Variants in NTRK2 observed in about 807,000 individuals in gnomAD.
NTRK2 encodes BDNF/NT-3 growth factors receptor.
A neutral mutation model predicts 94.5 loss-of-function variants in NTRK2; 13 were observed. The observed-to-expected ratio is 0.14, with a 90% CI of 0.09 to 0.22. NTRK2 has a LOEUF of 0.22. NTRK2 is among the 10% of genes least tolerant of loss of function. The probability of loss-of-function intolerance (pLI) is 1.00; values close to 1 mark genes in which losing one functional copy is unlikely to be tolerated. For missense variants in NTRK2, 639 were observed against 1,071.2 expected (o/e 0.60, Z 5.63); for synonymous variants, 372 against 407.4 (o/e 0.91, Z 1.05).
At chr9:84,955,052 C>A (rs1362728836) in intron 16 of NTRK2, among the ~76,000 whole-genome samples, 1 of 152,178 alleles carries the variant, frequency 6.6e-6, no homozygotes, top group Admixed American at 6.5e-5. Flanking sequence ...CCTGGGAATT[C>A]CAGACTCTTT....
chr9:84,956,248 G>A lies in NTRK2; in HGVS notation c.2172+731G>A, dbSNP rs183236165. 3.3e-5 allele frequency among the ~76,000 whole-genome samples: 5 copies of A among 152,310 alleles called. No homozygotes were observed. In the East Asian group the frequency reaches 9.7e-4, roughly 29 times the overall value. ...GGTTTAGCTTGGTGAGATGGAAGAAGTTTTATCCTGCCTGTTCCTAGACAC... is the reference window on the plus strand; with the variant it reads ...GGTTTAGCTTGGTGAGATGGAAGAAATTTTATCCTGCCTGTTCCTAGACAC... On this transcript the variant is annotated intron_variant, in intron 17 of 18. Transcript: ENST00000277120.
intron 15 of NTRK2, among the ~76,000 whole-genome samples, chr9:84,943,971 C>T (rs2078500746): frequency 6.6e-6 from 1 of 152,028 alleles, no homozygotes; most frequent in South Asian, 2.1e-4. Flanking sequence ...AAAGACCCAA[C>T]ATGCAAAAAT....
At chr9:84,874,540 G>T in intron 14 of NTRK2, 2 of 1,065,142 alleles carry the variant, frequency 1.9e-6, no homozygotes, top group Non-Finnish European at 2.3e-6. Context: ...GTTTTTGTTT[G>T]TTTTTGTTTA....
Position 84,948,539 on chromosome 9 carries a change from G to A in NTRK2, c.1842G>A (p.Glu614=), listed in dbSNP as rs2132883639. The change falls in exon 16 of 19, where the codon GAG becomes GAA. Residue 614 remains glutamate (E), a synonymous_variant. Transcript: ENST00000277120. ...AGCTCCTGACCAACCTCCAGCATGA[G>A]CACATCGTCAAGTTCTATGGCGTCT... The part of the protein sequence containing the change: ...EAELLTNLQH[E]HIVKFYGVCV... The A allele has an allele frequency of 6.2e-7, 1 of 1,614,118 alleles. No homozygotes were observed. The highest frequency in any genetic ancestry group is 8.5e-7 in the Non-Finnish European group (1 of 1,180,022).
chr9:84,790,204 G>T (rs1340939627), intron 12 of NTRK2, among the ~76,000 whole-genome samples: 1 of 152,174 alleles, frequency 6.6e-6, no homozygotes. Flanking sequence ...TTAAAAAAAT[G>T]AAGTGCCTAA....
At chr9:84,725,528 T>C (rs1041855262) in intron 8 of NTRK2, among the ~76,000 whole-genome samples, 9 of 152,066 alleles carry the variant, frequency 5.9e-5, no homozygotes, top group African/African-American at 2.2e-4. Flanking sequence ...AAGGTAAGTG[T>C]GGCCCCTGCC....
intron 18 of NTRK2, among the ~76,000 whole-genome samples, chr9:85,020,821 G>C (rs1275160162): frequency 6.6e-6 from 1 of 152,254 alleles, no homozygotes; most frequent in Non-Finnish European, 1.5e-5. Flanking sequence ...TTGAGGCACA[G>C]CATCTTGATC....
At chr9:84,683,451 T>C (rs1187347) in intron 2 of NTRK2, among the ~76,000 whole-genome samples, 105,356 of 151,982 alleles carry the variant, frequency 0.69, 36,674 homozygotes, top group East Asian at 0.83. Context: ...TTTGGTTTTC[T>C]GTTCCTGTGT....
intron 17 of NTRK2, among the ~76,000 whole-genome samples, chr9:84,982,814 G>A (rs1827808423): frequency 6.6e-6 from 1 of 152,152 alleles, no homozygotes; most frequent in Non-Finnish European, 1.5e-5. Flanking sequence ...TAATTTCAAA[G>A]ATATGATATA....
At chr9:84,787,926 T>C (rs758719715) in intron 12 of NTRK2, among the ~76,000 whole-genome samples, 3 of 152,176 alleles carry the variant, frequency 2.0e-5, no homozygotes, top group Non-Finnish European at 2.9e-5. Context: ...TCTGTGGCCT[T>C]GGTCATGTTA....
chr9:84,815,472 C>T, intron 12 of NTRK2: 1 of 1,040,212 alleles, frequency 9.6e-7, no homozygotes, highest in East Asian at 5.7e-5. Context: ...CATGTTCAAC[C>T]ATTTGCTGTA....
At chr9:84,874,097 G>A (rs2075976142) in intron 14 of NTRK2, 2 of 1,064,688 alleles carry the variant, frequency 1.9e-6, no homozygotes, top group Non-Finnish European at 2.3e-6. Flanking sequence ...CCTGACTGGA[G>A]TGTGTGTACC....
intron 4 of NTRK2, among the ~76,000 whole-genome samples, 186 bp downstream of exon 4, chr9:84,702,605 G>A (rs1025745): frequency 6.6e-6 from 1 of 152,134 alleles, no homozygotes; most frequent in African/African-American, 2.4e-5. Flanking sequence ...GGGGTACTTA[G>A]AACAGGCTGT....
chr9:84,938,854 C>A (rs553039634), intron 15 of NTRK2, among the ~76,000 whole-genome samples: 1 of 151,878 alleles, frequency 6.6e-6, no homozygotes, highest in East Asian at 1.9e-4. Context: ...AGTTCAAGAC[C>A]AGCCTGGGCA....
chr9:84,997,262 G>C (rs541579746), intron 17 of NTRK2, among the ~76,000 whole-genome samples: 1 of 152,312 alleles, frequency 6.6e-6, no homozygotes, highest in South Asian at 2.1e-4. Context: ...CCGGGGCAAA[G>C]CTGGTCTCTG....
intron 12 of NTRK2, among the ~76,000 whole-genome samples, chr9:84,856,411 C>T (rs2075065377): frequency 6.6e-6 from 1 of 152,178 alleles, no homozygotes; most frequent in African/African-American, 2.4e-5. Context: ...TTGAAGCAAA[C>T]TATTACTCAC....
chr9:84,690,445 C>T (rs187637449), intron 2 of NTRK2, among the ~76,000 whole-genome samples: 224 of 151,802 alleles, frequency 1.5e-3, no homozygotes, highest in Non-Finnish European at 2.5e-3. Context: ...ACAGTCCAGG[C>T]GAATCATTGG....
intron 17 of NTRK2, 81 bp from the exon 18 acceptor site, chr9:85,020,125 C>A (rs2117914761): frequency 6.8e-7 from 1 of 1,469,362 alleles, no homozygotes; most frequent in Non-Finnish European, 9.5e-7. Context: ...ATAAGGAAAG[C>A]AAACAGTGTC....
chr9:84,935,767 A>G (rs919576851), intron 15 of NTRK2, among the ~76,000 whole-genome samples: 3 of 152,126 alleles, frequency 2.0e-5, no homozygotes, highest in Admixed American at 6.6e-5. Context: ...TACTTACTCA[A>G]AAAGTTTTGT....
Sources: allele counts gnomAD v4.1 joint callset (sites outside exome capture counted in the v4.1 genomes callset), GRCh38; gene constraint gnomAD v4.1.1; transcripts MANE v1.5; gene names NCBI Gene and HGNC (gene_info 2026-07-23, HGNC 2026-07-21).